ASH1L: variants seen among roughly 807,000 people sequenced by gnomAD.
The protein encoded by ASH1L is histone-lysine N-methyltransferase ASH1L.
Under a neutral mutation model 269.0 loss-of-function variants are expected in ASH1L, and 23 were observed. The observed-to-expected ratio is 0.09, with a 90% CI of 0.06 to 0.12. The LOEUF (loss-of-function observed/expected upper bound fraction) is 0.12, where lower values mean the gene tolerates loss of function less well. Ranked by LOEUF, ASH1L falls within the 10% of genes least tolerant of loss-of-function variation. The pLI is 1.00. For synonymous variants in ASH1L, 1,187 were observed against 1,253.5 expected (o/e 0.95, Z 1.12); for missense variants, 2,912 against 3,567.8 (o/e 0.82, Z 4.68).
intron 1 of ASH1L, among the ~76,000 whole-genome samples, chr1:155,556,288 C>G (rs1201866433): frequency 6.6e-6 from 1 of 152,050 alleles, no homozygotes; most frequent in Non-Finnish European, 1.5e-5. Flanking sequence ...GTCCCAAACA[C>G]TTGAGTGGCT....
intron 21 of ASH1L, chr1:155,345,955 C>T: frequency 2.9e-6 from 1 of 348,826 alleles, no homozygotes; most frequent in East Asian, 7.9e-5. Flanking sequence ...CCTCAGCCAC[C>T]CAAGTACCTG....
intron 1 of ASH1L, among the ~76,000 whole-genome samples, chr1:155,556,623 A>G (rs1168696659): frequency 6.6e-6 from 1 of 151,922 alleles, no homozygotes. Flanking sequence ...TTATATTTTT[A>G]GTAGAGACGG....
chr1:155,372,443 G>A (rs1311893407), intron 10 of ASH1L, among the ~76,000 whole-genome samples: 1 of 151,510 alleles, frequency 6.6e-6, no homozygotes. Flanking sequence ...CAAGTAGCTG[G>A]GATTACAGAC....
intron 1 of ASH1L, among the ~76,000 whole-genome samples, chr1:155,555,496 CAAA>C (rs57151613): frequency 1.1e-4 from 6 of 55,104 alleles, no homozygotes; most frequent in African/African-American, 1.3e-4. Context: ...GACTCTGTCT[CAAA>C]AAAAAAAAAA....
chr1:155,511,769 G>A (rs1408927419), intron 2 of ASH1L, among the ~76,000 whole-genome samples: 1 of 152,132 alleles, frequency 6.6e-6, no homozygotes, highest in East Asian at 1.9e-4. Context: ...CTCCTAAACT[G>A]CTGGGATTAC....
chr1:155,354,622 A>G lies in ASH1L; in HGVS notation c.7064T>C (p.Val2355Ala), dbSNP rs1231056057. 6 of 1,608,680 alleles carry G rather than the reference A, an allele frequency of 3.7e-6. No individual in the cohort carries two copies. In the East Asian group the frequency reaches 1.3e-4, roughly 36 times the overall value. ...KPMSNRERNF[V>A]LKHHVFLVRN... The stretch of plus-strand genomic sequence containing the variant: ...GACCAAGAATACATGATGCTTTAAC[A>G]CAAAGTTCCTGCAAGGAAGGAAAAA... The change falls in exon 16 of 28, where the codon GTG (valine) becomes GCG (alanine). Residue 2355 changes from valine (V) to alanine (A), a missense_variant. By Grantham distance (64) the Val-to-Ala change is moderately conservative. Transcript: ENST00000392403.
rs181331654 is a variant in ASH1L at position 155,470,184 on chromosome 1, C to T, written c.4984+7702G>A. On this transcript the variant is annotated intron_variant, in intron 3 of 27. Transcript: ENST00000392403. The stretch of plus-strand genomic sequence containing the variant: ...CAATATTAAGAACCGTCAGGCTGTG[C>T]GCGGTGGCTCACACCTGTAATCCCA... Among the ~76,000 whole-genome samples the T allele has an allele frequency of 1.2e-3, 182 of 152,228 alleles. 1 individual carries two copies. Among genetic ancestry groups the T allele is most frequent in the Admixed American group, 0.011 (175 of 15,276 alleles).
chr1:155,434,730 G>A (rs1389901764), intron 5 of ASH1L, among the ~76,000 whole-genome samples: 2 of 152,000 alleles, frequency 1.3e-5, no homozygotes, highest in African/African-American at 4.8e-5. Flanking sequence ...GTGTGGTGGT[G>A]TGCGCCTGTA....
chr1:155,397,975 G>A (rs1652461468), intron 6 of ASH1L, among the ~76,000 whole-genome samples: 2 of 152,116 alleles, frequency 1.3e-5, no homozygotes, highest in African/African-American at 4.8e-5. Context: ...ATTTAAACAA[G>A]TATAAAATTA....
intron 3 of ASH1L, among the ~76,000 whole-genome samples, chr1:155,467,298 A>G (rs1014061340): frequency 2.6e-5 from 4 of 152,170 alleles, no homozygotes; most frequent in Non-Finnish European, 5.9e-5. Flanking sequence ...TTTCATGTCT[A>G]CCTAACATAC....
At chr1:155,484,615 C>T (rs1666172409) in intron 2 of ASH1L, among the ~76,000 whole-genome samples, 1 of 151,864 alleles carries the variant, frequency 6.6e-6, no homozygotes, top group African/African-American at 2.4e-5. Flanking sequence ...AATCTCAAAA[C>T]ATTACCCAAA....
At chr1:155,391,396 T>G (rs1657917420) in intron 7 of ASH1L, among the ~76,000 whole-genome samples, 1 of 152,232 alleles carries the variant, frequency 6.6e-6, no homozygotes, top group African/African-American at 2.4e-5. Context: ...AATTTTTATG[T>G]TTCCATTTTT....
intron 1 of ASH1L, among the ~76,000 whole-genome samples, chr1:155,537,040 T>C (rs917294923): frequency 5.4e-5 from 8 of 146,836 alleles, no homozygotes; most frequent in Non-Finnish European, 8.9e-5. Flanking sequence ...CAAGACTCTG[T>C]CTCAAAAAAA....
chr1:155,346,105 A>G, intron 21 of ASH1L: 4 of 1,280,502 alleles, frequency 3.1e-6, no homozygotes, highest in Non-Finnish European at 4.1e-6. Context: ...GTGTGCTAGG[A>G]TTACAGGCAT....
At chr1:155,351,797 G>A (rs1407335988) in intron 17 of ASH1L, among the ~76,000 whole-genome samples, 3 of 151,714 alleles carry the variant, frequency 2.0e-5, no homozygotes, top group Non-Finnish European at 4.4e-5. Context: ...GTTGCAGTGA[G>A]CCGAGATCAT....
chr1:155,371,873 C>A (rs1655982693), intron 10 of ASH1L, among the ~76,000 whole-genome samples: 1 of 151,558 alleles, frequency 6.6e-6, no homozygotes, highest in Non-Finnish European at 1.5e-5. Context: ...TTTGTATTTT[C>A]AGTAGAGACA....
At chr1:155,551,679 A>C (rs1264320677) in intron 1 of ASH1L, among the ~76,000 whole-genome samples, 6 of 141,550 alleles carry the variant, frequency 4.2e-5, no homozygotes, top group Non-Finnish European at 7.6e-5. Context: ...AAAAAAAAAG[A>C]ATCTTGCAGG....
intron 7 of ASH1L, 52 bp downstream of exon 7, chr1:155,395,407 C>A: frequency 1.5e-6 from 2 of 1,326,752 alleles, no homozygotes; most frequent in Non-Finnish European, 2.1e-6. Flanking sequence ...TCCCTCAAAC[C>A]CAGGAAATAC....
At chr1:155,477,776 A>G (rs1211545773) in intron 3 of ASH1L, 110 bp downstream of exon 3, 2 of 1,073,410 alleles carry the variant, frequency 1.9e-6, no homozygotes, top group Admixed American at 2.8e-5. Context: ...TACACTTATT[A>G]AAAAACAAAA....
Sources: allele counts gnomAD v4.1 joint callset (sites outside exome capture counted in the v4.1 genomes callset), GRCh38; gene constraint gnomAD v4.1.1; transcripts MANE v1.5; gene names NCBI Gene and HGNC (gene_info 2026-07-23, HGNC 2026-07-21).